DPP10: variants seen among roughly 807,000 people sequenced by gnomAD.
The protein encoded by DPP10 is inactive dipeptidyl peptidase 10.
Under a neutral mutation model 120.9 loss-of-function variants are expected in DPP10, and 33 were observed. The ratio of observed to expected loss-of-function variants is 0.27; its 90% CI spans 0.21 to 0.37. The LOEUF (loss-of-function observed/expected upper bound fraction) is 0.37, where lower values mean the gene tolerates loss of function less well. DPP10 is among the 10% of genes least tolerant of loss of function. The pLI, the probability that DPP10 is intolerant of heterozygous loss-of-function variation, is 1.00. For missense variants in DPP10, 816 were observed against 942.8 expected (o/e 0.87, Z 1.76); for synonymous variants, 337 against 326.1 (o/e 1.03, Z -0.36).
chr2:115,794,522 G>C (rs187960761), intron 19 of DPP10, among the ~76,000 whole-genome samples: 4 of 152,266 alleles, frequency 2.6e-5, no homozygotes, highest in Non-Finnish European at 4.4e-5. Flanking sequence ...ACATTAAAAA[G>C]AGTATGCGGG....
At chr2:114,705,006 G>A (rs1189542589) in intron 1 of DPP10, among the ~76,000 whole-genome samples, 2 of 152,136 alleles carry the variant, frequency 1.3e-5, no homozygotes, top group African/African-American at 4.8e-5. Flanking sequence ...AACCAACCCT[G>A]CCAATGCCTT....
At chr2:114,596,811 A>G (rs529609085) in intron 1 of DPP10, among the ~76,000 whole-genome samples, 53 of 152,106 alleles carry the variant, frequency 3.5e-4, no homozygotes, top group Non-Finnish European at 6.5e-4. Flanking sequence ...CAAACTACCA[A>G]TCTGGGCCTT....
chr2:115,622,829 CTTTTTT>C (rs765780452), intron 5 of DPP10, among the ~76,000 whole-genome samples: 14 of 128,354 alleles, frequency 1.1e-4, no homozygotes, highest in East Asian at 2.2e-4. Context: ...TTCGTTTATT[CTTTTTT>C]TTTTTTTTTT....
intron 3 of DPP10, among the ~76,000 whole-genome samples, chr2:115,483,699 T>G (rs529695354): frequency 6.6e-6 from 1 of 152,094 alleles, no homozygotes; most frequent in African/African-American, 2.4e-5. Context: ...CTAACACTGA[T>G]TGATGTTAAG....
At chr2:115,159,315 T>C (rs992111590) in intron 1 of DPP10, among the ~76,000 whole-genome samples, 3 of 151,896 alleles carry the variant, frequency 2.0e-5, no homozygotes, top group East Asian at 3.9e-4. Flanking sequence ...AAAATTAGCT[T>C]GGTGTGGTGG....
At chr2:114,600,847 G>A (rs1692302633) in intron 1 of DPP10, among the ~76,000 whole-genome samples, 2 of 151,936 alleles carry the variant, frequency 1.3e-5, no homozygotes, top group South Asian at 4.1e-4. Context: ...AGAGTGATAG[G>A]TTAAAAGAGT....
chr2:115,667,020 T>C (rs1408566549), intron 5 of DPP10, among the ~76,000 whole-genome samples: 1 of 152,188 alleles, frequency 6.6e-6, no homozygotes. Flanking sequence ...GTAAGTTTCC[T>C]GAGACCTCTC....
chr2:115,558,877 G>A (rs2080384684), intron 5 of DPP10, among the ~76,000 whole-genome samples: 2 of 152,152 alleles, frequency 1.3e-5, no homozygotes, highest in Admixed American at 6.5e-5. Context: ...TACAGTAGGT[G>A]CCATTATCTA....
At chr2:114,792,316 G>C (rs1463673461) in intron 1 of DPP10, among the ~76,000 whole-genome samples, 1 of 152,182 alleles carries the variant, frequency 6.6e-6, no homozygotes, top group East Asian at 1.9e-4. Flanking sequence ...CTCATTTTAT[G>C]TTATACATAA....
intron 1 of DPP10, among the ~76,000 whole-genome samples, chr2:114,478,840 C>A (rs1288582612): frequency 6.6e-6 from 1 of 152,082 alleles, no homozygotes; most frequent in East Asian, 1.9e-4. Flanking sequence ...AAAGAAATTG[C>A]AATCTATTTG....
chr2:114,478,582 TAAGG>T lies in DPP10; in HGVS notation c.60+35759_60+35762del, dbSNP rs747556928. Reference sequence around the variant, plus strand: ...GCCATTGCTACAAGGAAAAAATAAATAAGGAAGGAAGGAAGGAATGAAGGATGAA... The same window carrying T: ...GCCATTGCTACAAGGAAAAAATAAATAAGGAAGGAAGGAATGAAGGATGAA... On this transcript the variant is annotated intron_variant, in intron 1 of 25. Coordinates refer to ENST00000410059, the MANE Select transcript of DPP10 (RefSeq NM_020868.6). Among the ~76,000 whole-genome samples the T allele has an allele frequency of 3.3e-5, 5 of 151,762 alleles. No homozygotes were observed. The East Asian group carries it at 7.7e-4, about 24-fold the overall frequency.
At chr2:115,404,149 A>G (rs2068328528) in intron 3 of DPP10, among the ~76,000 whole-genome samples, 1 of 152,172 alleles carries the variant, frequency 6.6e-6, no homozygotes. Context: ...CTGTACGTAA[A>G]GCATGATGCT....
chr2:115,689,784 A>G (rs1359609047), intron 6 of DPP10, 45 bp downstream of exon 6: 1 of 1,608,172 alleles, frequency 6.2e-7, no homozygotes, highest in East Asian at 2.2e-5. Context: ...TTGTGTTACT[A>G]AATTGTTGGT....
chr2:115,640,815 T>C (rs2086719076), intron 5 of DPP10, among the ~76,000 whole-genome samples: 2 of 152,192 alleles, frequency 1.3e-5, no homozygotes, highest in Non-Finnish European at 1.5e-5. Context: ...AATTCTTCTA[T>C]GTGAAAGATG....
chr2:115,645,636 T>TA (rs1271856700), intron 5 of DPP10, among the ~76,000 whole-genome samples: 1 of 152,132 alleles, frequency 6.6e-6, no homozygotes, highest in African/African-American at 2.4e-5. Flanking sequence ...TTCCTTATTA[T>TA]AAAAAAAATT....
chr2:114,478,099 T>G (rs1680681149), intron 1 of DPP10, among the ~76,000 whole-genome samples: 1 of 151,940 alleles, frequency 6.6e-6, no homozygotes, highest in Admixed American at 6.6e-5. Context: ...CAGCTAATAT[T>G]ACCCTGAAAA....
chr2:115,739,285 C>A (rs1194879257), intron 8 of DPP10, among the ~76,000 whole-genome samples: 1 of 151,520 alleles, frequency 6.6e-6, no homozygotes, highest in African/African-American at 2.4e-5. Flanking sequence ...ATGAAAGATA[C>A]CCAGTATACT....
intron 1 of DPP10, among the ~76,000 whole-genome samples, chr2:115,168,317 C>T (rs773136277): frequency 1.3e-5 from 2 of 152,144 alleles, no homozygotes; most frequent in Non-Finnish European, 2.9e-5. Flanking sequence ...GGGCCATATA[C>T]TAAGACATAC....
intron 1 of DPP10, among the ~76,000 whole-genome samples, chr2:114,717,029 C>T (rs1049257843): frequency 2.6e-5 from 4 of 152,200 alleles, no homozygotes; most frequent in African/African-American, 9.7e-5. Flanking sequence ...GCTGCCTGTG[C>T]CTTTGGAAGT....
Sources: gnomAD v4.1 joint callset for allele counts (sites outside exome capture counted in the v4.1 genomes callset) on GRCh38, gnomAD v4.1.1 for gene constraint, MANE v1.5 for transcripts, NCBI Gene and HGNC (gene_info 2026-07-23, HGNC 2026-07-21) for gene names.